The following SLTM variants were observed in gnomAD, a reference collection of about 807,000 sequenced individuals.
The protein encoded by SLTM is SAFB-like transcription modulator.
A neutral mutation model predicts 134.6 loss-of-function variants in SLTM; 43 were observed. That is an observed-to-expected ratio of 0.32 (90% CI 0.25 to 0.41). SLTM has a LOEUF of 0.41. Among genes scored for constraint, SLTM ranks in the 10% least tolerant of loss-of-function variants. The pLI, the probability that SLTM is intolerant of heterozygous loss-of-function variation, is 1.00. For missense variants in SLTM, 1,055 were observed against 1,288.8 expected (o/e 0.82, Z 2.78); for synonymous variants, 424 against 432.3 (o/e 0.98, Z 0.24).
At chr15:58,925,434 T>C (rs2037391787) in intron 2 of SLTM, among the ~76,000 whole-genome samples, 1 of 152,078 alleles carries the variant, frequency 6.6e-6, no homozygotes, top group Admixed American at 6.6e-5. Flanking sequence ...GCATCCTGGG[T>C]TCAAGTGACT....
chr15:58,883,856 G>C (rs2140933815), intron 19 of SLTM, 70 bp from the exon 20 acceptor site: 1 of 1,543,952 alleles, frequency 6.5e-7, no homozygotes, highest in Middle Eastern at 1.9e-4. Context: ...TCAGCACTTT[G>C]GGAGGCTGAG....
chr15:58,929,199 G>A (rs767580004), intron 2 of SLTM, among the ~76,000 whole-genome samples: 3 of 152,168 alleles, frequency 2.0e-5, no homozygotes, highest in Non-Finnish European at 1.5e-5. Context: ...CAGGTGCGGT[G>A]GCTCACTTTG....
intron 9 of SLTM, among the ~76,000 whole-genome samples, chr15:58,896,647 C>CTA (rs1238587295): frequency 6.6e-6 from 1 of 151,812 alleles, no homozygotes; most frequent in African/African-American, 2.4e-5. Context: ...ATTCTCATGC[C>CTA]TATATATATA....
At chr15:58,925,611 T>C (rs1347814533) in intron 2 of SLTM, among the ~76,000 whole-genome samples, 2 of 152,174 alleles carry the variant, frequency 1.3e-5, no homozygotes, top group Admixed American at 1.3e-4. Context: ...GTGCTGGGTT[T>C]ACAAGAGTGA....
In SLTM at chr15:58,887,165, T is replaced by TA. The variant is rs1271923817; in HGVS notation, c.2691-47dup. The TA allele has an allele frequency of 4.3e-6, 7 of 1,612,242 alleles. No individual in the cohort carries two copies. The African/African-American group carries it at 9.4e-5, about 22-fold the overall frequency. On this transcript the variant is annotated intron_variant, in intron 18 of 20. Transcript: ENST00000380516. ...ACATACATGATCAAAACTGTAATCT[T>TA]AACTTTTTTTAACCCCAATGCATGA... is the stretch of plus-strand genomic sequence containing the variant.
intron 2 of SLTM, among the ~76,000 whole-genome samples, chr15:58,925,895 C>T (rs4775101): frequency 0.63 from 96,189 of 151,962 alleles, 32,167 homozygotes; most frequent in Middle Eastern, 0.79. Context: ...CTCTCAGCAC[C>T]GTTGTGAGAA....
chr15:58,888,534 G>C lies in SLTM; in HGVS notation c.2226C>G (p.Ser742Arg), dbSNP rs146764093. The C allele has an allele frequency of 1.2e-6, 2 of 1,613,298 alleles. No individual in the cohort carries two copies. The highest frequency in any genetic ancestry group is 1.7e-6 in the Non-Finnish European group (2 of 1,179,822). Residue 742 changes from serine (S) to arginine (R), a missense_variant, in exon 17 of 21, where the codon AGC becomes AGG. By Grantham distance (110) the Ser-to-Arg change is moderately radical (BLOSUM62 -1). This residue lies in a region of SLTM where 776 missense variants were observed against 962.2 expected (regional missense o/e 0.81). Coordinates refer to ENST00000380516, the MANE Select transcript of SLTM (RefSeq NM_024755.4). ...VDHRRDDPYW[S>R]ENKKLSLDTD... The stretch of plus-strand genomic sequence containing the variant: ...TATCTAGAGACAACTTTTTATTCTC[G>C]CTCCAGTAAGGATCATCTCGCCTTG...
Position 58,933,661 on chromosome 15 carries a change from G to C in SLTM, c.-96C>G, listed in dbSNP as rs1014181067. ...CCAGGCCTCGGCGGCCGCCGGCGCCGCGCAGCGCTGCGCACAATGAGCCGC... is the reference window on the plus strand; with the variant it reads ...CCAGGCCTCGGCGGCCGCCGGCGCCCCGCAGCGCTGCGCACAATGAGCCGC... On this transcript the variant is annotated 5_prime_UTR_variant, in exon 1 of 21. Coordinates refer to ENST00000380516, the MANE Select transcript of SLTM (RefSeq NM_024755.4). The C allele has an allele frequency of 7.4e-6, 10 of 1,345,944 alleles. No homozygotes were observed. The highest frequency in any genetic ancestry group is 3.1e-5 in the East Asian group (1 of 31,954). The allele number at this position is 1,345,944 out of a possible 1,614,324, so 83.4% of individuals were successfully genotyped here.
chr15:58,890,238 A>G, intron 15 of SLTM, 43 bp downstream of exon 15: 1 of 1,604,690 alleles, frequency 6.2e-7, no homozygotes, highest in Non-Finnish European at 8.5e-7. Flanking sequence ...ACAGAGTCTG[A>G]AAAAGGTGAG....
At chr15:58,915,788 C>T (rs1433095445) in intron 3 of SLTM, among the ~76,000 whole-genome samples, 2 of 151,930 alleles carry the variant, frequency 1.3e-5, no homozygotes, top group African/African-American at 2.4e-5. Context: ...CATGAGCTGA[C>T]TCTATGGAAA....
At position 58,890,363 on chromosome 15, in the gene SLTM, C is replaced by T; in HGVS notation, c.1997G>A (p.Arg666His). The T allele has an allele frequency of 3.7e-6, 6 of 1,614,066 alleles. No homozygotes were observed. Among genetic ancestry groups the T allele is most frequent in the African/African-American group, 1.3e-5 (1 of 75,022 alleles). Residue 666 changes from arginine to histidine, a missense_variant, in exon 15 of 21, where the codon CGC (arginine) becomes CAC (histidine). Transcript: ENST00000380516. ...ERERLQRERE[R>H]LEIERQKLER... ...TAGTTTTTGCCTTTCAATTTCTAGGCGCTCTCTCTCTCTCTGTAAGCGTTC... is the reference window on the plus strand; with the variant it reads ...TAGTTTTTGCCTTTCAATTTCTAGGTGCTCTCTCTCTCTCTGTAAGCGTTC...
chr15:58,889,471 T>A lies in SLTM; in HGVS notation c.2163A>T (p.Glu721Asp). Reference sequence around the variant, plus strand: ...GTGGGCGTTTCAAGGAATTCCTTTTTTCTTGTTCATAACGAAGCTGCTGTT... The same window carrying A: ...GTGGGCGTTTCAAGGAATTCCTTTTATCTTGTTCATAACGAAGCTGCTGTT... ...RQQQQLRYEQ[E>D]KRNSLKRPRD... Residue 721 changes from glutamate (E) to aspartate (D), a missense_variant, in exon 16 of 21, where the codon GAA becomes GAT. By Grantham distance (45) the Glu-to-Asp change is conservative (BLOSUM62 2). Coordinates refer to ENST00000380516, the MANE Select transcript of SLTM (RefSeq NM_024755.4). 1 of 1,614,142 alleles carries A rather than the reference T, an allele frequency of 6.2e-7. No homozygotes were observed.
At chr15:58,883,062 C>G (rs2033874232) in intron 20 of SLTM, among the ~76,000 whole-genome samples, 1 of 152,226 alleles carries the variant, frequency 6.6e-6, no homozygotes, top group Non-Finnish European at 1.5e-5. Flanking sequence ...CGCCTGTAAT[C>G]TCAGCACTTT....
chr15:58,933,014 C>G (rs1483941226), intron 1 of SLTM, among the ~76,000 whole-genome samples: 3 of 152,334 alleles, frequency 2.0e-5, no homozygotes, highest in African/African-American at 7.2e-5. Flanking sequence ...ACCAAAGTAA[C>G]CATTCCCTCT....
intron 6 of SLTM, 116 bp downstream of exon 6, chr15:58,901,144 G>C: frequency 2.4e-6 from 2 of 836,828 alleles, no homozygotes; most frequent in Non-Finnish European, 3.8e-6. Flanking sequence ...TCACTAAATG[G>C]ATAAATTTGA....
intron 2 of SLTM, among the ~76,000 whole-genome samples, chr15:58,917,498 CTG>C (rs1158165919): frequency 6.6e-6 from 1 of 152,222 alleles, no homozygotes; most frequent in Non-Finnish European, 1.5e-5. Context: ...GCCTTGTACT[CTG>C]TCTCTAGTAC....
At chr15:58,902,777 G>A (rs534355693) in intron 5 of SLTM, among the ~76,000 whole-genome samples, 354 of 151,228 alleles carry the variant, frequency 2.3e-3, no homozygotes, top group Non-Finnish European at 4.1e-3. Flanking sequence ...AGGCTGGAGT[G>A]CAGTGGCATG....
At chr15:58,885,654 C>T (rs1172029517) in intron 19 of SLTM, among the ~76,000 whole-genome samples, 2 of 152,056 alleles carry the variant, frequency 1.3e-5, no homozygotes, top group African/African-American at 4.8e-5. Flanking sequence ...CGTGGTGGCG[C>T]ACATCTGTAG....
intron 2 of SLTM, among the ~76,000 whole-genome samples, chr15:58,923,379 A>G (rs1000827465): frequency 2.6e-5 from 4 of 152,108 alleles, no homozygotes; most frequent in Admixed American, 2.6e-4. Context: ...AAATAAAATA[A>G]TCTCTAAAAG....
Sources: gnomAD v4.1 joint callset for allele counts (sites outside exome capture counted in the v4.1 genomes callset) on GRCh38, gnomAD v4.1.1 for gene constraint, gnomAD v4.1.1 regional missense constraint, MANE v1.5 for transcripts, NCBI Gene and HGNC (gene_info 2026-07-23, HGNC 2026-07-21) for gene names.